The following USP9X variants were observed in gnomAD, a reference collection of about 807,000 sequenced individuals.
The protein encoded by USP9X is ubiquitin specific peptidase 9 X-linked, also known as ubiquitin carboxyl-terminal hydrolase 9X.
In USP9X, 7 loss-of-function variants were observed where a neutral mutation model predicts 190.3. The observed-to-expected ratio is 0.04, with a 90% CI of 0.02 to 0.07. The LOEUF (loss-of-function observed/expected upper bound fraction) is 0.07, where lower values mean the gene tolerates loss of function less well. Ranked by LOEUF, USP9X falls within the 10% of genes least tolerant of loss-of-function variation. USP9X has a pLI of 1.00. For synonymous variants in USP9X, 645 were observed against 659.5 expected (o/e 0.98, Z 0.34); for missense variants, 1,010 against 1,916.9 (o/e 0.53, Z 8.83).
rs375115913 is a variant in USP9X, at chrX:41,229,262, T to C, written c.7071T>C (p.Asn2357=). The C allele has an allele frequency of 5.9e-6, 7 of 1,178,939 alleles. No individual in the cohort carries two copies. In the African/African-American group the frequency reaches 9.0e-5, roughly 15 times the overall value. Reference sequence around the variant, plus strand: ...TCTGGTTCTCTTTCAGAATTCATAATGCACTGAAAGGAATTCCAGATGACC... The same window carrying C: ...TCTGGTTCTCTTTCAGAATTCATAACGCACTGAAAGGAATTCCAGATGACC... ...EDSWQTHRIH[N]ALKGIPDDRD... The change falls in exon 42 of 45, where the codon AAT becomes AAC. Residue 2357 remains asparagine, a synonymous_variant. Coordinates refer to ENST00000378308, the MANE Select transcript of USP9X (RefSeq NM_001039591.3).
At chrX:41,221,229 TC>T (rs1371507466) in intron 38 of USP9X, among the ~76,000 whole-genome samples, 1 of 111,617 alleles carries the variant, frequency 9.0e-6, no homozygotes, top group Non-Finnish European at 1.9e-5. Context: ...ACCACTGCAC[TC>T]CAGCCTGGGA....
At position 41,085,989 on chromosome X, in the gene USP9X, C is replaced by T; in HGVS notation, c.-279C>T. On this transcript the variant is annotated 5_prime_UTR_variant, in exon 1 of 45. Transcript: ENST00000378308. Reference sequence around the variant, plus strand: ...GCAGCCTTTCGATACACTTTGTTGCCGGTCACCCCCGGGCCTGGGATGCAC... The same window carrying T: ...GCAGCCTTTCGATACACTTTGTTGCTGGTCACCCCCGGGCCTGGGATGCAC... The T allele has an allele frequency of 3.4e-6, 1 of 297,779 alleles. No homozygotes were observed. The allele number at this position is 297,779 out of a possible 1,213,427, so 24.5% of individuals were successfully genotyped here. A position where few individuals can be genotyped will look rare whatever the true frequency, so the allele number is the denominator to read the frequency against.
rs183153247 is a variant in USP9X at position 41,235,425 on chromosome X, A to G, written c.*2901A>G. On this transcript the variant is annotated 3_prime_UTR_variant, in exon 45 of 45. Coordinates refer to ENST00000378308, the MANE Select transcript of USP9X (RefSeq NM_001039591.3). Reference sequence around the variant, plus strand: ...TCCCTCAACTGATTTTTTGAGCCATATATTTCCTATTTTAAATGTTTGCGG... The same window carrying G: ...TCCCTCAACTGATTTTTTGAGCCATGTATTTCCTATTTTAAATGTTTGCGG... The G allele has an allele frequency of 2.7e-5, 3 of 112,792 alleles. No individual in the cohort carries two copies. The highest frequency in any genetic ancestry group is 1.9e-4 in the Admixed American group (2 of 10,579). The allele number at this position is 112,792 out of a possible 1,213,427, so 9.3% of individuals were successfully genotyped here.
chrX:41,176,012 C>CT (rs2062771998), intron 21 of USP9X, among the ~76,000 whole-genome samples: 1 of 111,375 alleles, frequency 9.0e-6, no homozygotes, highest in Admixed American at 9.5e-5. Context: ...CTGCCTCAGC[C>CT]TCCCAGTAGC....
chrX:41,097,400 CA>C (rs2061999574), intron 1 of USP9X, among the ~76,000 whole-genome samples: 1 of 111,469 alleles, frequency 9.0e-6, no homozygotes, highest in Non-Finnish European at 1.9e-5. Context: ...AGAGAACTAG[CA>C]AAAGAAGCTT....
rs774389431 is a variant in USP9X at position 41,154,738 on chromosome X, G to A, written c.1897+1657G>A. ...CATATTAGCTGTATGACTGTGGGCA[G>A]GTTATTTATGCTAGAATAATGTCTG... On this transcript the variant is annotated intron_variant, in intron 14 of 44. Coordinates refer to ENST00000378308, the MANE Select transcript of USP9X (RefSeq NM_001039591.3). Among the ~76,000 whole-genome samples, 32 of 111,642 alleles carry A rather than the reference G, an allele frequency of 2.9e-4. No individual in the cohort carries two copies. The Middle Eastern group carries it at 0.023, about 80-fold the overall frequency.
intron 21 of USP9X, among the ~76,000 whole-genome samples, chrX:41,172,185 A>G (rs183282865): frequency 8.9e-6 from 1 of 111,804 alleles, no homozygotes; most frequent in East Asian, 2.8e-4. Flanking sequence ...TTTGTGATAC[A>G]TGAAAATTAT....
intron 1 of USP9X, among the ~76,000 whole-genome samples, chrX:41,088,302 C>T (rs894266727): frequency 3.6e-5 from 4 of 111,857 alleles, no homozygotes; most frequent in African/African-American, 1.3e-4. Flanking sequence ...CTTTTTTCTT[C>T]CAGAGTCTTG....
intron 6 of USP9X, among the ~76,000 whole-genome samples, chrX:41,138,014 T>C (rs1203936476): frequency 9.0e-6 from 1 of 111,466 alleles, no homozygotes; most frequent in African/African-American, 3.3e-5. Context: ...CTTTGAAATA[T>C]AGTTCTTGCT....
chrX:41,184,828 G>A (rs1602011261), intron 23 of USP9X, 153 bp downstream of exon 23: 1 of 466,701 alleles, frequency 2.1e-6, no homozygotes, highest in Non-Finnish European at 3.4e-6. Context: ...TATTAAAAGT[G>A]CAAATACTTT....
chrX:41,198,525 TAGG>T lies in USP9X; in HGVS notation c.4381-1_4382del, dbSNP rs1296820773. On this transcript the variant is annotated splice_acceptor_variant and coding_sequence_variant, in exon 30 of 45. Transcript: ENST00000378308. LOFTEE classifies it high-confidence loss of function. ...ATATGTAATCCCTTTTTCAACTTTT[TAGG>T]AATTAATTGATGATTTCATATTTCC... 1 of 1,192,650 alleles carries T rather than the reference TAGG, an allele frequency of 8.4e-7. No homozygotes were observed. The highest frequency in any genetic ancestry group is 1.1e-6 in the Non-Finnish European group (1 of 881,986).
At chrX:41,132,081 A>C (rs1029218437) in intron 4 of USP9X, among the ~76,000 whole-genome samples, 41 of 110,945 alleles carry the variant, frequency 3.7e-4, no homozygotes, top group African/African-American at 1.3e-3. Flanking sequence ...TTCATTCATA[A>C]TCCTTCAGGT....
At chrX:41,140,596 T>G in intron 6 of USP9X, 60 bp from the exon 7 acceptor site, 2 of 844,743 alleles carry the variant, frequency 2.4e-6, no homozygotes, top group Admixed American at 2.9e-5. Context: ...TAAGGCTTTT[T>G]TTTCGTGCTT....
intron 31 of USP9X, among the ~76,000 whole-genome samples, chrX:41,204,637 T>C (rs1482955153): frequency 9.0e-6 from 1 of 111,645 alleles, no homozygotes; most frequent in Non-Finnish European, 1.9e-5. Flanking sequence ...AGTAGTCCAA[T>C]GAGATTATAA....
intron 9 of USP9X, among the ~76,000 whole-genome samples, chrX:41,142,287 G>A (rs2062429399): frequency 9.0e-6 from 1 of 111,455 alleles, no homozygotes; most frequent in Non-Finnish European, 1.9e-5. Flanking sequence ...GACAGAGAAT[G>A]GCATTAAGTG....
intron 14 of USP9X, among the ~76,000 whole-genome samples, chrX:41,161,635 C>CTTTTGTTTTTTTT (rs2062632773): frequency 2.1e-5 from 1 of 47,425 alleles, no homozygotes; most frequent in Non-Finnish European, 3.4e-5. Context: ...GGCGCCCTGC[C>CTTTTGTTTTTTTT]TTTTTTTTTT....
rs1484761304 is a variant in USP9X, at chrX:41,166,149, G to C, written c.2263G>C (p.Val755Leu). The stretch of plus-strand genomic sequence containing the variant: ...TGTGAATTGTCGAGAAGGAAAACTA[G>C]TAGCAAAAAGGAGAGCCTATATGAT... ...KAVNCREGKLVAKRRAYMMDD... is the reference protein window; with the variant it reads ...KAVNCREGKLLAKRRAYMMDD... Residue 755 changes from valine (V) to leucine (L), a missense_variant, in exon 16 of 45, where the codon GTA (valine) becomes CTA (leucine). Physicochemically the swap from Val to Leu is conservative, Grantham distance 32. Coordinates refer to ENST00000378308, the MANE Select transcript of USP9X (RefSeq NM_001039591.3). 1 of 1,209,077 alleles carries C rather than the reference G, an allele frequency of 8.3e-7. No homozygotes were observed. Among genetic ancestry groups the C allele is most frequent in the Admixed American group, 2.2e-5 (1 of 45,367 alleles).
intron 26 of USP9X, among the ~76,000 whole-genome samples, chrX:41,192,716 C>G (rs920210496): frequency 9.0e-6 from 1 of 111,295 alleles, no homozygotes; most frequent in Non-Finnish European, 1.9e-5. Flanking sequence ...AAATATTGAT[C>G]AAATACCTAT....
intron 26 of USP9X, chrX:41,189,843 T>C (rs2062915061): frequency 8.1e-6 from 1 of 122,905 alleles, no homozygotes; most frequent in Admixed American, 9.0e-5. Context: ...GAATTTGATA[T>C]GAAATTTGTA....
Sources: allele counts gnomAD v4.1 joint callset (sites outside exome capture counted in the v4.1 genomes callset), GRCh38; gene constraint gnomAD v4.1.1; transcripts MANE v1.5; gene names NCBI Gene and HGNC (gene_info 2026-07-23, HGNC 2026-07-21).